The following CFAP43 variants were observed in gnomAD, a reference collection of about 807,000 sequenced individuals.
CFAP43 encodes cilia- and flagella-associated protein 43.
CFAP43 carries 155 observed loss-of-function variants against 218.9 expected under a neutral mutation model. The observed-to-expected ratio is 0.71, with a 90% CI of 0.62 to 0.81. CFAP43 has a LOEUF of 0.81. Among genes scored for constraint, CFAP43 ranks in the 30% least tolerant of loss-of-function variants. The pLI is 0.00. For missense variants in CFAP43, 1,778 were observed against 1,954.3 expected (o/e 0.91, Z 1.70); for synonymous variants, 645 against 681.3 (o/e 0.95, Z 0.83).
intron 14 of CFAP43, 136 bp downstream of exon 14, chr10:104,187,184 A>G (rs2134894571): frequency 1.6e-6 from 1 of 615,370 alleles, no homozygotes; most frequent in Non-Finnish European, 2.4e-6. Flanking sequence ...AGCTCAAGGG[A>G]ATTATATTAA....
Position 104,204,966 on chromosome 10 carries a change from G to A in CFAP43, c.963+997C>T, listed in dbSNP as rs186536169. Among the ~76,000 whole-genome samples the A allele has an allele frequency of 6.6e-3, 1,006 of 152,272 alleles. 13 individuals carry two copies. Among genetic ancestry groups the A allele is most frequent in the Admixed American group, 0.03 (465 of 15,290 alleles). On this transcript the variant is annotated intron_variant, in intron 7 of 37. Coordinates refer to ENST00000357060, the MANE Select transcript of CFAP43 (RefSeq NM_025145.7). ...GCAGTGGCTCACGCCTGTAATCCCAGCATTTTGGGAGGCCCAGGCGGGCGG... is the reference window on the plus strand; with the variant it reads ...GCAGTGGCTCACGCCTGTAATCCCAACATTTTGGGAGGCCCAGGCGGGCGG...
chr10:104,206,122 T>A (rs955359401), intron 6 of CFAP43, 92 bp from the exon 7 acceptor site: 2 of 1,001,886 alleles, frequency 2.0e-6, no homozygotes, highest in Admixed American at 5.3e-5. Flanking sequence ...CTGATGTAAA[T>A]CTTATAAGTT....
At chr10:104,221,530 C>T (rs1474049146) in intron 3 of CFAP43, among the ~76,000 whole-genome samples, 2 of 152,010 alleles carry the variant, frequency 1.3e-5, no homozygotes, top group Non-Finnish European at 2.9e-5. Flanking sequence ...GGAAGCAGGC[C>T]CTCACCAGAA....
At chr10:104,188,559 A>ATGT in intron 12 of CFAP43, 149 bp from the exon 13 acceptor site, 1 of 1,044,830 alleles carries the variant, frequency 9.6e-7, no homozygotes, top group Non-Finnish European at 1.3e-6. Flanking sequence ...TGACCTTTAA[A>ATGT]CATAAGTTAC....
chr10:104,206,350 G>T (rs1482085498), intron 6 of CFAP43, among the ~76,000 whole-genome samples: 1 of 152,168 alleles, frequency 6.6e-6, no homozygotes, highest in Non-Finnish European at 1.5e-5. Flanking sequence ...TTGCTGGAGG[G>T]GGTGGTATTT....
At chr10:104,213,463 T>C (rs1225007359) in intron 4 of CFAP43, among the ~76,000 whole-genome samples, 1 of 152,186 alleles carries the variant, frequency 6.6e-6, no homozygotes, top group African/African-American at 2.4e-5. Flanking sequence ...CAGTTCTATT[T>C]AAACAGGTAA....
rs770453545 is a variant in CFAP43 at position 104,166,697 on chromosome 10, C to G, written c.2830G>C (p.Ala944Pro). The change falls in exon 23 of 38, where the codon GCT (alanine) becomes CCT (proline). Residue 944 changes from alanine (A) to proline (P), a missense_variant. By Grantham distance (27) the Ala-to-Pro change is conservative. This residue lies in a region of CFAP43 where 1,553 missense variants were observed against 1,685.2 expected (regional missense o/e 0.92). Transcript: ENST00000357060. ...CLKLRKEIVE[A>P]QSGVKLIKQR... ...TTAATCAACTTAACTCCAGACTGAGCCTCTACAATTTCCTTCCGTAGCTAC... is the reference window on the plus strand; with the variant it reads ...TTAATCAACTTAACTCCAGACTGAGGCTCTACAATTTCCTTCCGTAGCTAC... 1 of 1,609,978 alleles carries G rather than the reference C, an allele frequency of 6.2e-7. No homozygotes were observed. Among genetic ancestry groups the G allele is most frequent in the South Asian group, 1.1e-5 (1 of 90,012 alleles).
intron 14 of CFAP43, among the ~76,000 whole-genome samples, 194 bp from the exon 15 acceptor site, chr10:104,186,317 T>C (rs1366587713): frequency 1.3e-5 from 2 of 152,238 alleles, no homozygotes; most frequent in African/African-American, 2.4e-5. Context: ...TTTCCCACTT[T>C]TGCAAATAAA....
chr10:104,161,215 T>C, intron 26 of CFAP43, 53 bp from the exon 27 acceptor site: 1 of 1,568,106 alleles, frequency 6.4e-7, no homozygotes. Context: ...AATGCAGTAG[T>C]ACAGTAAAAG....
intron 4 of CFAP43, 152 bp from the exon 5 acceptor site, chr10:104,212,309 A>G (rs1050277034): frequency 4.0e-6 from 3 of 750,236 alleles, no homozygotes; most frequent in African/African-American, 3.6e-5. Context: ...TTAAAAATAT[A>G]TAACAGGTTG....
At chr10:104,143,250 C>A (rs965347361) in intron 32 of CFAP43, among the ~76,000 whole-genome samples, 176 bp downstream of exon 32, 4 of 152,202 alleles carry the variant, frequency 2.6e-5, no homozygotes, top group Admixed American at 2.6e-4. Context: ...CAGGCCTACA[C>A]TTAGCCTTCA....
chr10:104,130,267 A>G lies in CFAP43; in HGVS notation c.4870T>C (p.Tyr1624His), dbSNP rs1473731524. The change falls in exon 38 of 38, where the codon TAT becomes CAT. Residue 1624 changes from tyrosine to histidine, a missense_variant. By Grantham distance (83) the Tyr-to-His change is moderately conservative. Coordinates refer to ENST00000357060, the MANE Select transcript of CFAP43 (RefSeq NM_025145.7). ...TTCTGCTGTTGCATCATGTTTTCAT[A>G]CCGTTCTTTGACAATCTTTTCACAA... The part of the protein sequence containing the change: ...LTCEKIVKER[Y>H]ENMMQQQKLT... 1 of 1,612,260 alleles carries G rather than the reference A, an allele frequency of 6.2e-7. No homozygotes were observed. Among genetic ancestry groups the G allele is most frequent in the Non-Finnish European group, 8.5e-7 (1 of 1,179,712 alleles).
rs1564818933 is a variant in CFAP43 at position 104,225,448 on chromosome 10, T to TAA, written c.416+12_416+13insTT. The TAA allele has an allele frequency of 6.3e-7, 1 of 1,590,698 alleles. No homozygotes were observed. The highest frequency in any genetic ancestry group is 1.1e-5 in the South Asian group (1 of 89,512). ...ACCCAGTAAAAGGAATTCCACAGGA[T>TAA]GCTGAAACTTACCAAAGGGCCAGTT... On this transcript the variant is annotated intron_variant, in intron 3 of 37. Transcript: ENST00000357060.
intron 28 of CFAP43, among the ~76,000 whole-genome samples, chr10:104,148,260 C>A (rs910387375): frequency 6.6e-6 from 1 of 152,090 alleles, no homozygotes; most frequent in Non-Finnish European, 1.5e-5. Context: ...ATTATAAAGG[C>A]AAACACTCTT....
chr10:104,131,624 A>G, intron 36 of CFAP43, 140 bp from the exon 37 acceptor site: 1 of 967,466 alleles, frequency 1.0e-6, no homozygotes, highest in Non-Finnish European at 1.5e-6. Context: ...AGTGCCTGGC[A>G]TAGTAGGCAC....
intron 22 of CFAP43, 173 bp downstream of exon 22, chr10:104,167,448 G>C (rs974660458): frequency 2.5e-6 from 1 of 407,874 alleles, no homozygotes; most frequent in African/African-American, 2.1e-5. Flanking sequence ...GATTTATTGT[G>C]TGGATATAGG....
intron 18 of CFAP43, 48 bp from the exon 19 acceptor site, chr10:104,179,154 AC>A: frequency 7.2e-7 from 1 of 1,395,914 alleles, no homozygotes; most frequent in Non-Finnish European, 9.9e-7. Context: ...GAAATATCAG[AC>A]AGAGAGAGAG....
chr10:104,159,034 A>G (rs1048341374), intron 27 of CFAP43, among the ~76,000 whole-genome samples: 2 of 152,172 alleles, frequency 1.3e-5, no homozygotes, highest in African/African-American at 4.8e-5. Flanking sequence ...AAATAATCCA[A>G]TGTTAGGGAA....
intron 34 of CFAP43, among the ~76,000 whole-genome samples, chr10:104,135,425 A>C (rs2087393484): frequency 6.6e-6 from 1 of 152,222 alleles, no homozygotes. Flanking sequence ...CCAAACTGAA[A>C]AGATGTAAAA....
Sources: allele counts gnomAD v4.1 joint callset (sites outside exome capture counted in the v4.1 genomes callset), GRCh38; gene constraint gnomAD v4.1.1; regional missense constraint gnomAD v4.1.1; transcripts MANE v1.5; gene names NCBI Gene and HGNC (gene_info 2026-07-23, HGNC 2026-07-21).